NDUFC1: variants seen among roughly 807,000 people sequenced by gnomAD.
NDUFC1 encodes NADH dehydrogenase [ubiquinone] 1 subunit C1, mitochondrial.
NDUFC1 carries 11 observed loss-of-function variants against 11.6 expected under a neutral mutation model. That is an observed-to-expected ratio of 0.95 (90% confidence interval 0.60 to 1.58). The LOEUF is 1.58. NDUFC1 is among the 40% of genes most tolerant of loss of function. The pLI is 0.00. For synonymous variants in NDUFC1, 52 were observed against 42.2 expected (o/e 1.23, Z -0.90); for missense variants, 112 against 93.0 (o/e 1.20, Z -0.84).
intron 3 of NDUFC1, among the ~76,000 whole-genome samples, chr4:139,295,530 T>C (rs1745425212): frequency 6.6e-6 from 1 of 152,102 alleles, no homozygotes; most frequent in Admixed American, 6.6e-5. Flanking sequence ...CAGGTTGAAC[T>C]TGGATAAGTG....
chr4:139,301,208 C>G (rs898227784), intron 1 of NDUFC1: 2 of 249,428 alleles, frequency 8.0e-6, no homozygotes, highest in Non-Finnish European at 1.5e-5. Flanking sequence ...GTGCGAGACT[C>G]TTTCCAAGGA....
chr4:139,294,626 T>C (rs985104220), intron 4 of NDUFC1, among the ~76,000 whole-genome samples: 5 of 151,636 alleles, frequency 3.3e-5, no homozygotes, highest in Non-Finnish European at 7.4e-5. Flanking sequence ...TCCTAGCTAC[T>C]TGGGAGGCTG....
intron 1 of NDUFC1, among the ~76,000 whole-genome samples, chr4:139,298,107 C>A (rs1248330497): frequency 2.0e-5 from 3 of 152,068 alleles, no homozygotes; most frequent in African/African-American, 7.2e-5. Context: ...AACCTCCCAC[C>A]TCCCCACACA....
chr4:139,301,778 A>G, intron 1 of NDUFC1: 1 of 1,577,208 alleles, frequency 6.3e-7, no homozygotes, highest in Non-Finnish European at 8.6e-7. Flanking sequence ...AGCCGGAACG[A>G]TGCCGGCCGT....
intron 1 of NDUFC1, chr4:139,301,973 C>A: frequency 2.3e-6 from 2 of 856,746 alleles, no homozygotes; most frequent in Non-Finnish European, 3.5e-6. Flanking sequence ...GAATGCATTG[C>A]TTTGCTCCCT....
At chr4:139,298,588 T>C (rs1745572164) in intron 1 of NDUFC1, among the ~76,000 whole-genome samples, 1 of 151,712 alleles carries the variant, frequency 6.6e-6, no homozygotes, top group African/African-American at 2.4e-5. Flanking sequence ...ATCCTGTCTA[T>C]ACACACACAC....
rs1419928568 is a variant in NDUFC1, at chr4:139,292,338, CAT to C, written c.*20+190_*20+191del. Among the ~76,000 whole-genome samples, 735 of 150,022 alleles carry C rather than the reference CAT, an allele frequency of 4.9e-3. 14 individuals are homozygous for C. Among genetic ancestry groups the C allele is most frequent in the African/African-American group, 0.013 (527 of 40,760 alleles). On this transcript the variant is annotated intron_variant, in intron 5 of 5. Coordinates refer to ENST00000394223, the MANE Select transcript of NDUFC1 (RefSeq NM_001184989.2). The stretch of plus-strand genomic sequence containing the variant: ...AACAAACAACAAACAAAAAAAACCC[CAT>C]CCCCCCCAAAACAAAACCAACTGCT...
chr4:139,300,326 T>C (rs1016202540), intron 1 of NDUFC1, among the ~76,000 whole-genome samples: 14 of 152,260 alleles, frequency 9.2e-5, no homozygotes, highest in African/African-American at 3.4e-4. Flanking sequence ...CAAGTTTATA[T>C]TGGGAAACAT....
intron 1 of NDUFC1, chr4:139,301,517 C>A: frequency 2.1e-6 from 1 of 469,086 alleles, no homozygotes. Context: ...CTGCCTCTGT[C>A]GGTCTGTTCA....
chr4:139,301,211 T>A, intron 1 of NDUFC1: 1 of 253,598 alleles, frequency 3.9e-6, no homozygotes, highest in Non-Finnish European at 7.5e-6. Context: ...CGAGACTCTT[T>A]CCAAGGAATG....
intron 1 of NDUFC1, chr4:139,301,214 AAGGAATGAAAGGTCGATCTAGC>A (rs1560944725): frequency 3.9e-6 from 1 of 256,972 alleles, no homozygotes; most frequent in Non-Finnish European, 7.4e-6. Context: ...GACTCTTTCC[AAGGAATGAAAGGTCGATCTAGC>A]AGGAAGGCGC....
In NDUFC1 at chr4:139,295,926, C is replaced by A; in HGVS notation, c.-128G>T. On this transcript the variant is annotated 5_prime_UTR_variant, in exon 3 of 6. Transcript: ENST00000394223. ...GGCGTCAACGTGAATTCCAGCACGGCAAGGTTCTCTAGCACCCCGGCCTCA... is the reference window on the plus strand; with the variant it reads ...GGCGTCAACGTGAATTCCAGCACGGAAAGGTTCTCTAGCACCCCGGCCTCA... 1.1e-6 allele frequency: 1 copy of A among 911,590 alleles called. No homozygotes were observed. The highest frequency in any genetic ancestry group is 1.7e-6 in the Non-Finnish European group (1 of 604,932). 56.5% of individuals were successfully genotyped at this position (911,590 alleles called of 1,614,324 possible).
Position 139,295,085 on chromosome 4 carries a change from T to G in NDUFC1, c.129A>C (p.Lys43Asn). 3 of 1,614,178 alleles carry G rather than the reference T, an allele frequency of 1.9e-6. No homozygotes were observed. The highest frequency in any genetic ancestry group is 2.5e-6 in the Non-Finnish European group (3 of 1,180,026). ...EPPNAKPDWLKVGFTLGTTVF... is the reference protein window; with the variant it reads ...EPPNAKPDWLNVGFTLGTTVF... ...CAGTGGTGCCCAAGGTGAACCCAACTTTCAGCCAGTCAGGTTTGGCATTCG... is the reference window on the plus strand; with the variant it reads ...CAGTGGTGCCCAAGGTGAACCCAACGTTCAGCCAGTCAGGTTTGGCATTCG... Residue 43 changes from lysine to asparagine, a missense_variant, in exon 4 of 6, where the codon AAA becomes AAC. Coordinates refer to ENST00000394223, the MANE Select transcript of NDUFC1 (RefSeq NM_001184989.2).
intron 1 of NDUFC1, chr4:139,301,476 G>A (rs550383397): frequency 7.9e-5 from 36 of 457,672 alleles, no homozygotes; most frequent in Admixed American, 1.2e-4. Flanking sequence ...CGTGACCCGG[G>A]TGGGAAAACC....
At position 139,295,755 on chromosome 4, in the gene NDUFC1, G is replaced by A. The variant is rs750919559; in HGVS notation, c.44C>T (p.Ala15Val). The A allele has an allele frequency of 6.4e-7, 1 of 1,552,096 alleles. No individual in the cohort carries two copies. The highest frequency in any genetic ancestry group is 1.2e-5 in the South Asian group (1 of 84,446). Residue 15 changes from alanine (A) to valine (V), a missense_variant, in exon 3 of 6, where the codon GCC (alanine) becomes GTC (valine). Transcript: ENST00000394223. ...ACGGCCGCTCGGGAGCCTGGCGGGGGCCAGCAGCCGGGAAAGGGGACGCAG... is the reference window on the plus strand; with the variant it reads ...ACGGCCGCTCGGGAGCCTGGCGGGGACCAGCAGCCGGGAAAGGGGACGCAG... ...ALLRPLSRLL[A>V]PARLPSGPSV...
At chr4:139,291,170 A>C (rs1030012272) in intron 5 of NDUFC1, among the ~76,000 whole-genome samples, 4 of 151,766 alleles carry the variant, frequency 2.6e-5, no homozygotes, top group Non-Finnish European at 5.9e-5. Flanking sequence ...ATCACAGACC[A>C]TGCAGAATAA....
At chr4:139,299,014 G>A (rs915035312) in intron 1 of NDUFC1, among the ~76,000 whole-genome samples, 1 of 151,772 alleles carries the variant, frequency 6.6e-6, no homozygotes, top group Non-Finnish European at 1.5e-5. Flanking sequence ...CTGTTGTCCA[G>A]GCTGGAGTGC....
intron 4 of NDUFC1, among the ~76,000 whole-genome samples, chr4:139,293,331 A>G (rs1745313395): frequency 6.6e-6 from 1 of 152,182 alleles, no homozygotes; most frequent in African/African-American, 2.4e-5. Flanking sequence ...ACGAAACTGT[A>G]TGTGTATTAA....
intron 1 of NDUFC1, chr4:139,301,179 C>T: frequency 4.9e-6 from 1 of 202,862 alleles, no homozygotes. Flanking sequence ...ACTTTGGGCT[C>T]AAACGATGAT....
Sources: allele counts gnomAD v4.1 joint callset (sites outside exome capture counted in the v4.1 genomes callset), GRCh38; gene constraint gnomAD v4.1.1; transcripts MANE v1.5; gene names NCBI Gene and HGNC (gene_info 2026-07-23, HGNC 2026-07-21).